PTPRG: variants seen among roughly 807,000 people sequenced by gnomAD.
The protein encoded by PTPRG is receptor-type tyrosine-protein phosphatase gamma.
A neutral mutation model predicts 165.3 loss-of-function variants in PTPRG; 102 were observed. The ratio of observed to expected loss-of-function variants is 0.62; its 90% CI spans 0.53 to 0.73. The LOEUF is 0.73. Ranked by LOEUF, PTPRG falls within the 30% of genes least tolerant of loss-of-function variation. PTPRG has a pLI of 0.00. For missense variants in PTPRG, 1,866 were observed against 1,861.4 expected (o/e 1.00, Z -0.05); for synonymous variants, 675 against 669.5 (o/e 1.01, Z -0.13).
At chr3:61,836,150 C>G (rs1212961841) in intron 2 of PTPRG, among the ~76,000 whole-genome samples, 1 of 148,780 alleles carries the variant, frequency 6.7e-6, no homozygotes, top group Non-Finnish European at 1.5e-5. Context: ...TAGGCCTGCT[C>G]TTTGTTCTTA....
chr3:61,642,308 C>T (rs1355975045), intron 1 of PTPRG, among the ~76,000 whole-genome samples: 1 of 152,104 alleles, frequency 6.6e-6, no homozygotes, highest in Non-Finnish European at 1.5e-5. Context: ...CTATTTTTCT[C>T]AAGTACAGTT....
rs889959292 is a variant in PTPRG, at chr3:61,772,835, A to C, written c.190+23853A>C. Among the ~76,000 whole-genome samples the C allele has an allele frequency of 8.1e-4, 123 of 152,200 alleles. 2 individuals carry two copies. Among genetic ancestry groups the C allele is most frequent in the Non-Finnish European group, 1.5e-4 (10 of 68,032 alleles). On this transcript the variant is annotated intron_variant, in intron 2 of 29. Transcript: ENST00000474889. ...TATTTTTGTAGGAGAGATGGTCAAA[A>C]ATAGGGTTGCTAGATCAGAGAATAT...
At chr3:62,292,614 A>G in intron 29 of PTPRG, 58 bp downstream of exon 29, 1 of 1,571,206 alleles carries the variant, frequency 6.4e-7, no homozygotes, top group Non-Finnish European at 8.7e-7. Context: ...TCAGACTCAC[A>G]GTTTAGAGCA....
chr3:62,019,031 C>T lies in PTPRG; in HGVS notation c.519+15534C>T, dbSNP rs552003457. 3.3e-5 allele frequency among the ~76,000 whole-genome samples: 5 copies of T among 152,264 alleles called. No individual in the cohort carries two copies. In the East Asian group the frequency reaches 9.7e-4, roughly 29 times the overall value. ...TGGGGTCCCAGAATGAAACCAGGAC[C>T]TGCAGAAGCTGACCTTACTGAAGAA... On this transcript the variant is annotated intron_variant, in intron 4 of 29. Transcript: ENST00000474889.
At chr3:61,673,241 C>G (rs11710250) in intron 1 of PTPRG, among the ~76,000 whole-genome samples, 9,589 of 152,226 alleles carry the variant, frequency 0.063, 365 homozygotes, top group East Asian at 0.11. Context: ...AAAAATTGTT[C>G]CTGCATGTGA....
chr3:61,742,986 A>T, intron 1 of PTPRG: 1 of 1,525,494 alleles, frequency 6.6e-7, no homozygotes, highest in Non-Finnish European at 9.1e-7. Context: ...TCTGGGGGTC[A>T]TAGTTCTTCA....
chr3:61,920,611 G>A (rs1345332092), intron 2 of PTPRG, among the ~76,000 whole-genome samples: 3 of 152,100 alleles, frequency 2.0e-5, no homozygotes, highest in Non-Finnish European at 4.4e-5. Flanking sequence ...GGCCAGGATG[G>A]TCTCTGTCTT....
intron 2 of PTPRG, among the ~76,000 whole-genome samples, chr3:61,756,063 T>C (rs2033624631): frequency 6.6e-6 from 1 of 152,108 alleles, no homozygotes; most frequent in African/African-American, 2.4e-5. Flanking sequence ...AAATGAATTG[T>C]TGTCCCCAAG....
At position 62,038,473 on chromosome 3, in the gene PTPRG, C is replaced by G. The variant is rs140007356; in HGVS notation, c.519+34976C>G. Among the ~76,000 whole-genome samples the G allele has an allele frequency of 6.1e-3, 928 of 152,292 alleles. 12 individuals are homozygous for G. The highest frequency in any genetic ancestry group is 0.021 in the African/African-American group (885 of 41,548). On this transcript the variant is annotated intron_variant, in intron 4 of 29. Transcript: ENST00000474889. ...AGTGCAGTGGTGTAATCTTGGCTCA[C>G]TGCCGCCTCAACCTCCCAGGCTCAA... is the stretch of plus-strand genomic sequence containing the variant.
At chr3:61,904,107 G>A (rs148412995) in intron 2 of PTPRG, among the ~76,000 whole-genome samples, 1 of 152,214 alleles carries the variant, frequency 6.6e-6, no homozygotes, top group Non-Finnish European at 1.5e-5. Flanking sequence ...TTCCACAGCC[G>A]GGACTGATCC....
chr3:61,907,554 A>T (rs1235042578), intron 2 of PTPRG, among the ~76,000 whole-genome samples: 3 of 152,208 alleles, frequency 2.0e-5, no homozygotes, highest in African/African-American at 7.2e-5. Context: ...GCTGAAGGGG[A>T]TTGCAGAAAA....
At chr3:61,993,988 A>C (rs2040959492) in intron 3 of PTPRG, among the ~76,000 whole-genome samples, 1 of 152,228 alleles carries the variant, frequency 6.6e-6, no homozygotes, top group Non-Finnish European at 1.5e-5. Context: ...CAATAGAGCA[A>C]CTTGGTTGTA....
rs1703029431 is a variant in PTPRG at position 62,295,421 on chromosome 3, G to A, written c.*2114G>A. 1 of 152,044 alleles carries A rather than the reference G, an allele frequency of 6.6e-6. No individual in the cohort carries two copies. The highest frequency in any genetic ancestry group is 1.5e-5 in the Non-Finnish European group (1 of 67,982). 9.4% of individuals were successfully genotyped at this position (152,044 alleles called of 1,614,324 possible). Reference sequence around the variant, plus strand: ...CTTGATGTTCAAAAGTAATGTTCGAGTTAGGGTTCATGGTCCCTTTCTCAG... The same window carrying A: ...CTTGATGTTCAAAAGTAATGTTCGAATTAGGGTTCATGGTCCCTTTCTCAG... On this transcript the variant is annotated 3_prime_UTR_variant, in exon 30 of 30. Coordinates refer to ENST00000474889, the MANE Select transcript of PTPRG (RefSeq NM_002841.4).
At position 61,730,869 on chromosome 3, in the gene PTPRG, G is replaced by C. The variant is rs140528033; in HGVS notation, c.86-18009G>C. Reference sequence around the variant, plus strand: ...TCATGTTACTTGCAGAGTGTTTGTGGCCATTGAAAGATTGGGAACTGGATT... The same window carrying C: ...TCATGTTACTTGCAGAGTGTTTGTGCCCATTGAAAGATTGGGAACTGGATT... On this transcript the variant is annotated intron_variant, in intron 1 of 29. Coordinates refer to ENST00000474889, the MANE Select transcript of PTPRG (RefSeq NM_002841.4). Among the ~76,000 whole-genome samples, 1,088 of 152,302 alleles carry C rather than the reference G, an allele frequency of 7.1e-3. 17 individuals are homozygous for C. Among genetic ancestry groups the C allele is most frequent in the South Asian group, 0.03 (143 of 4,820 alleles).
intron 2 of PTPRG, among the ~76,000 whole-genome samples, chr3:61,986,993 T>G (rs1431222558): frequency 6.6e-6 from 1 of 152,156 alleles, no homozygotes; most frequent in South Asian, 2.1e-4. Context: ...ATGAGTCTTG[T>G]GGAACTGCAA....
intron 2 of PTPRG, among the ~76,000 whole-genome samples, chr3:61,811,732 C>A (rs954913234): frequency 7.2e-5 from 11 of 152,104 alleles, no homozygotes; most frequent in Non-Finnish European, 1.6e-4. Context: ...ATCAGCCATG[C>A]GAGTCAGATA....
chr3:62,045,963 TC>T (rs1226537550), intron 4 of PTPRG, among the ~76,000 whole-genome samples: 2 of 152,226 alleles, frequency 1.3e-5, no homozygotes, highest in Non-Finnish European at 2.9e-5. Context: ...AGCAGGGGCA[TC>T]ATGATCTAGA....
chr3:61,630,380 T>A (rs767152073), intron 1 of PTPRG, among the ~76,000 whole-genome samples: 2 of 152,216 alleles, frequency 1.3e-5, no homozygotes, highest in South Asian at 4.1e-4. Context: ...GGAAGTTACA[T>A]AGAAATAAAA....
chr3:61,632,523 C>T (rs1339060750), intron 1 of PTPRG, among the ~76,000 whole-genome samples: 1 of 152,186 alleles, frequency 6.6e-6, no homozygotes, highest in Non-Finnish European at 1.5e-5. Flanking sequence ...ATATGTTCAG[C>T]AGCCATTTTC....
Sources: gnomAD v4.1 joint callset for allele counts (sites outside exome capture counted in the v4.1 genomes callset) on GRCh38, gnomAD v4.1.1 for gene constraint, MANE v1.5 for transcripts, NCBI Gene and HGNC (gene_info 2026-07-23, HGNC 2026-07-21) for gene names.